Variants in KCNQ1 observed in about 807,000 individuals in gnomAD.
KCNQ1 encodes potassium voltage-gated channel subfamily KQT member 1.
In KCNQ1, 49 loss-of-function variants were observed where a neutral mutation model predicts 72.4. The ratio of observed to expected loss-of-function variants is 0.68; its 90% confidence interval spans 0.54 to 0.86. KCNQ1 has a LOEUF of 0.86. Ranked by LOEUF, KCNQ1 falls within the 40% of genes least tolerant of loss-of-function variation. KCNQ1 has a pLI of 0.00. For synonymous variants in KCNQ1, 450 were observed against 412.6 expected, an observed-to-expected ratio of 1.09 and a Z score of -1.10; for missense variants, 790 against 945.1, an observed-to-expected ratio of 0.84 and a Z score of 2.15.
rs190374177 is a variant in KCNQ1 at position 2,574,942 on chromosome 11, G to T, written c.921+1956G>T. ...GCCCCCCTGCGGGAGCCTGCCTGCAGTGAGTGTGGATGGGTAGGGCGTGCT... is the reference window on the plus strand; with the variant it reads ...GCCCCCCTGCGGGAGCCTGCCTGCATTGAGTGTGGATGGGTAGGGCGTGCT... On this transcript the variant is annotated intron_variant, in intron 6 of 15. Transcript: ENST00000155840. Among the ~76,000 whole-genome samples the T allele has an allele frequency of 1.5e-3, 225 of 152,304 alleles. 8 individuals are homozygous for T. In the East Asian group the frequency reaches 0.033, roughly 23 times the overall value.
chr11:2,737,972 T>C (rs1845987209), intron 11 of KCNQ1, among the ~76,000 whole-genome samples: 1 of 151,964 alleles, frequency 6.6e-6, no homozygotes, highest in East Asian at 1.9e-4. Flanking sequence ...CTTCATCCAT[T>C]TCCTGCTCCA....
rs1850994721 is a variant in KCNQ1 at position 2,711,063 on chromosome 11, G to A, written c.1514+48982G>A. ...TGCATTGAATCTGTAGGTCAACTTG[G>A]GGAGTATTGCCATCTTAACAATGTG... On this transcript the variant is annotated intron_variant, in intron 11 of 15. Transcript: ENST00000155840. The surrounding 1 kb of genome is among the most constrained non-coding windows in gnomAD (Gnocchi z 5.4). Among the ~76,000 whole-genome samples the A allele has an allele frequency of 6.6e-6, 1 of 152,196 alleles. No individual in the cohort carries two copies. The highest frequency in any genetic ancestry group is 2.1e-4 in the South Asian group (1 of 4,830).
chr11:2,834,318 C>T (rs768804851), intron 15 of KCNQ1, among the ~76,000 whole-genome samples: 8 of 152,092 alleles, frequency 5.3e-5, no homozygotes, highest in Admixed American at 3.9e-4. Flanking sequence ...CGCCCAGGTG[C>T]GGTGCTGAGG....
chr11:2,527,938 G>A lies in KCNQ1; in HGVS notation c.397G>A (p.Val133Ile), dbSNP rs199473449. 12 of 1,613,930 alleles carry A rather than the reference G, an allele frequency of 7.4e-6. No individual in the cohort carries two copies. Among genetic ancestry groups the A allele is most frequent in the Admixed American group, 1.7e-5 (1 of 60,012 alleles). The stretch of plus-strand genomic sequence containing the variant: ...GTCCCTGTCTTGCAGCTTCCTCATC[G>A]TCCTGGTCTGCCTCATCTTCAGCGT... ...FVYHFAVFLI[V>I]LVCLIFSVLS... Residue 133 changes from valine (V) to isoleucine (I), a missense_variant, in exon 2 of 16, where the codon GTC becomes ATC. By Grantham distance (29) the Val-to-Ile change is conservative (BLOSUM62 3). Coordinates refer to ENST00000155840, the MANE Select transcript of KCNQ1 (RefSeq NM_000218.3).
At position 2,847,846 on chromosome 11, in the gene KCNQ1, C is replaced by G. The variant is rs777840487; in HGVS notation, c.1874C>G (p.Pro625Arg). Residue 625 changes from proline to arginine, a missense_variant, in exon 16 of 16, where the codon CCC becomes CGC. Physicochemically the swap from Pro to Arg is moderately radical, Grantham distance 103. Around this residue, in one of 5 missense-constraint regions of KCNQ1, gnomAD observed 94 missense variants for 85.2 expected, o/e 1.10. Coordinates refer to ENST00000155840, the MANE Select transcript of KCNQ1 (RefSeq NM_000218.3). ...QLLSLHGGST[P>R]GSGGPPREGG... is the part of the protein sequence containing the mutation. ...CTCTCCTTGCACGGTGGCAGCACCC[C>G]CGGCAGCGGCGGCCCCCCCAGAGAG... 6.4e-7 allele frequency: 1 copy of G among 1,570,698 alleles called. No individual in the cohort carries two copies.
chr11:2,498,627 G>A lies in KCNQ1; in HGVS notation c.387-29301G>A, dbSNP rs1846959052. ...GGTTCTTAGCTTGCTGGGCTCCATG[G>A]GAGTGGGACCCACTGAGTGAGACCA... On this transcript the variant is annotated intron_variant, in intron 1 of 15. Coordinates refer to ENST00000155840, the MANE Select transcript of KCNQ1 (RefSeq NM_000218.3). This position sits in a 1 kb window ranked among gnomAD's most constrained non-coding sequence, Gnocchi z 4.8. Among the ~76,000 whole-genome samples, 1 of 152,218 alleles carries A rather than the reference G, an allele frequency of 6.6e-6. No individual in the cohort carries two copies. The highest frequency in any genetic ancestry group is 6.5e-5 in the Admixed American group (1 of 15,268).
intron 2 of KCNQ1, among the ~76,000 whole-genome samples, chr11:2,552,359 C>T (rs1847995486): frequency 6.6e-6 from 1 of 152,288 alleles, no homozygotes; most frequent in African/African-American, 2.4e-5. Flanking sequence ...CATTGAATTA[C>T]TTTGGCACCT....
intron 7 of KCNQ1, among the ~76,000 whole-genome samples, chr11:2,584,416 TGTTA>T (rs773224898): frequency 4.4e-5 from 6 of 136,602 alleles, no homozygotes; most frequent in Non-Finnish European, 8.8e-5. Flanking sequence ...TGTGTTTCTG[TGTTA>T]GTGTGTGTGT....
In KCNQ1 at chr11:2,698,185, G is replaced by C. The variant is rs1850710881; in HGVS notation, c.1514+36104G>C. The C allele has an allele frequency of 2.0e-5, 8 of 398,464 alleles. No homozygotes were observed. Among genetic ancestry groups the C allele is most frequent in the Admixed American group, 8.8e-5 (2 of 22,712 alleles). The allele number at this position is 398,464 out of a possible 1,614,324, so 24.7% of individuals were successfully genotyped here. A position where few individuals can be genotyped will look rare whatever the true frequency, so the allele number is the denominator to read the frequency against. ...TGGGAGCTTTTGGTCTAGCAAAAGG[G>C]GCACCACAGTAAAGAAAGAACTGGT... On this transcript the variant is annotated intron_variant, in intron 11 of 15. Coordinates refer to ENST00000155840, the MANE Select transcript of KCNQ1 (RefSeq NM_000218.3). This position sits in a 1 kb window ranked among gnomAD's most constrained non-coding sequence, Gnocchi z 5.1.
At position 2,724,169 on chromosome 11, in the gene KCNQ1, G is replaced by A. The variant is rs772562974; in HGVS notation, c.1515-44675G>A. Among the ~76,000 whole-genome samples, 11 of 152,168 alleles carry A rather than the reference G, an allele frequency of 7.2e-5. No individual in the cohort carries two copies. Among genetic ancestry groups the A allele is most frequent in the Non-Finnish European group, 1.6e-4 (11 of 68,026 alleles). Reference sequence around the variant, plus strand: ...GGGGCCGCGACAAGGAGACCAGGAAGGAAAGACAGAAAGAAAAACACGCAC... The same window carrying A: ...GGGGCCGCGACAAGGAGACCAGGAAAGAAAGACAGAAAGAAAAACACGCAC... On this transcript the variant is annotated intron_variant, in intron 11 of 15. Transcript: ENST00000155840. This position sits in a 1 kb window ranked among gnomAD's most constrained non-coding sequence, Gnocchi z 6.8.
chr11:2,705,137 T>G (rs1199743457), intron 11 of KCNQ1, among the ~76,000 whole-genome samples: 2 of 152,218 alleles, frequency 1.3e-5, no homozygotes, highest in Non-Finnish European at 2.9e-5. Flanking sequence ...AGCCTCAGCA[T>G]GGGCTGCTCG....
chr11:2,763,450 C>A (rs188180717), intron 11 of KCNQ1, among the ~76,000 whole-genome samples: 1 of 151,046 alleles, frequency 6.6e-6, no homozygotes, highest in Non-Finnish European at 1.5e-5. Context: ...ATTGTGAAAG[C>A]AAGACAGTAA....
intron 1 of KCNQ1, among the ~76,000 whole-genome samples, chr11:2,470,262 G>C (rs1194134199): frequency 6.6e-6 from 1 of 152,198 alleles, no homozygotes; most frequent in East Asian, 1.9e-4. Flanking sequence ...TCCAGTCACA[G>C]AAGCATCTGT....
Position 2,749,999 on chromosome 11 carries a change from C to T in KCNQ1, c.1515-18845C>T, listed in dbSNP as rs150712688. Among the ~76,000 whole-genome samples, 744 of 150,222 alleles carry T rather than the reference C, an allele frequency of 5.0e-3. 3 individuals carry two copies. The highest frequency in any genetic ancestry group is 0.017 in the African/African-American group (709 of 41,008). On this transcript the variant is annotated intron_variant, in intron 11 of 15. Transcript: ENST00000155840. ...TAAAAAGTACAGGGGCTCTACACGG[C>T]GCCCTGAGAATTGTGTGTAAATGAG...
intron 15 of KCNQ1, among the ~76,000 whole-genome samples, chr11:2,837,139 C>T (rs879590849): frequency 2.0e-5 from 3 of 152,152 alleles, no homozygotes; most frequent in Non-Finnish European, 4.4e-5. Context: ...TTTGGGAGCA[C>T]CCTGGGCAGC....
chr11:2,483,167 G>C lies in KCNQ1; in HGVS notation c.386+37683G>C, dbSNP rs1846680847. Among the ~76,000 whole-genome samples, 1 of 152,304 alleles carries C rather than the reference G, an allele frequency of 6.6e-6. No individual in the cohort carries two copies. Among genetic ancestry groups the C allele is most frequent in the Admixed American group, 6.5e-5 (1 of 15,294 alleles). ...AGGTCCTGTGTTGGGAACGTGCTTG[G>C]TGCATGTGAAGAACTGTGCAGGGAA... On this transcript the variant is annotated intron_variant, in intron 1 of 15. Coordinates refer to ENST00000155840, the MANE Select transcript of KCNQ1 (RefSeq NM_000218.3). This position sits in a 1 kb window ranked among gnomAD's most constrained non-coding sequence, Gnocchi z 6.1.
chr11:2,582,354 G>A (rs1035301986), intron 6 of KCNQ1, among the ~76,000 whole-genome samples: 4 of 152,256 alleles, frequency 2.6e-5, no homozygotes, highest in African/African-American at 7.2e-5. Context: ...GGGGGCTCAG[G>A]TGGGCCGGGG....
chr11:2,848,009 G>A lies in KCNQ1; in HGVS notation c.*6G>A, dbSNP rs1349244002. The A allele has an allele frequency of 4.6e-6, 7 of 1,538,220 alleles. No homozygotes were observed. Among genetic ancestry groups the A allele is most frequent in the African/African-American group, 2.7e-5 (2 of 73,226 alleles). On this transcript the variant is annotated 3_prime_UTR_variant, in exon 16 of 16. Transcript: ENST00000155840. ...GCCCCGATGAGGGGTCCTGAGGAGG[G>A]GATGGGGCTGGGGGATGGGCCTGAG... is the stretch of plus-strand genomic sequence containing the variant.
chr11:2,776,900 C>T lies in KCNQ1; in HGVS notation c.1686-86C>T, dbSNP rs568985774. 566 of 1,352,454 alleles carry T rather than the reference C, an allele frequency of 4.2e-4. 5 individuals are homozygous for T. The highest frequency in any genetic ancestry group is 4.5e-4 in the Non-Finnish European group (427 of 948,574). 83.8% of individuals were successfully genotyped at this position (1,352,454 alleles called of 1,614,324 possible). A position where few individuals can be genotyped will look rare whatever the true frequency, so the allele number is the denominator to read the frequency against. ...GGACAGTCCACTGTCTTGCCGGGCA[C>T]GTCAAGCTGTCTGTCCCACAGACGA... On this transcript the variant is annotated intron_variant, in intron 13 of 15. Transcript: ENST00000155840.
Sources: gnomAD v4.1 joint callset for allele counts (sites outside exome capture counted in the v4.1 genomes callset) on GRCh38, gnomAD v4.1.1 for gene constraint, gnomAD v4.1.1 regional missense constraint, Gnocchi (gnomAD v3.1) non-coding constraint, MANE v1.5 for transcripts, NCBI Gene and HGNC (gene_info 2026-07-23, HGNC 2026-07-21) for gene names.